Variants in GRM7 observed in about 807,000 individuals in gnomAD.
The protein encoded by GRM7 is metabotropic glutamate receptor 7.
A neutral mutation model predicts 84.5 loss-of-function variants in GRM7; 35 were observed. The ratio of observed to expected loss-of-function variants is 0.41; its 90% CI spans 0.32 to 0.55. GRM7 has a LOEUF of 0.55. Ranked by LOEUF, GRM7 falls within the 20% of genes least tolerant of loss-of-function variation. The probability of loss-of-function intolerance (pLI) is 0.19; values close to 1 mark genes in which losing one functional copy is unlikely to be tolerated. For synonymous variants in GRM7, 487 were observed against 455.1 expected (o/e 1.07, Z -0.89); for missense variants, 1,003 against 1,194.6 (o/e 0.84, Z 2.36).
intron 1 of GRM7, among the ~76,000 whole-genome samples, chr3:6,890,908 G>C (rs138342160): frequency 0.023 from 3,469 of 152,208 alleles, 62 homozygotes; most frequent in Non-Finnish European, 0.031. Context: ...TTATGAACCT[G>C]GGTGCTCCTG....
At chr3:7,736,527 T>C (rs1384899007) in intron 9 of GRM7, among the ~76,000 whole-genome samples, 1 of 152,142 alleles carries the variant, frequency 6.6e-6, no homozygotes, top group Non-Finnish European at 1.5e-5. Context: ...AAACCAGATT[T>C]CAAGTGGATA....
At chr3:7,579,615 G>C (rs530186286) in intron 8 of GRM7, among the ~76,000 whole-genome samples, 1 of 152,220 alleles carries the variant, frequency 6.6e-6, no homozygotes, top group Admixed American at 6.5e-5. Context: ...TGTAATGAGA[G>C]ATTATCTAGC....
intron 4 of GRM7, among the ~76,000 whole-genome samples, chr3:7,371,567 C>A (rs368968626): frequency 6.6e-6 from 1 of 152,044 alleles, no homozygotes; most frequent in Non-Finnish European, 1.5e-5. Flanking sequence ...GTGCTAGGGC[C>A]AATACTGAGT....
chr3:7,581,833 A>G (rs979309459), intron 8 of GRM7, among the ~76,000 whole-genome samples: 2 of 151,818 alleles, frequency 1.3e-5, no homozygotes, highest in African/African-American at 4.8e-5. Context: ...AGCACAACAT[A>G]AAGAGACAGC....
chr3:7,004,372 T>A (rs1033471510), intron 1 of GRM7, among the ~76,000 whole-genome samples: 5 of 152,162 alleles, frequency 3.3e-5, no homozygotes, highest in Non-Finnish European at 1.5e-5. Flanking sequence ...CAATCTTTTT[T>A]ATATATTATA....
At chr3:6,920,555 CAAA>C (rs35421703) in intron 1 of GRM7, among the ~76,000 whole-genome samples, 16 of 141,538 alleles carry the variant, frequency 1.1e-4, no homozygotes, top group East Asian at 2.1e-4. Context: ...GACTCCATGT[CAAA>C]AAAAAAAAAA....
chr3:7,623,826 AG>A (rs1335097035), intron 8 of GRM7, among the ~76,000 whole-genome samples: 2 of 152,198 alleles, frequency 1.3e-5, no homozygotes, highest in Non-Finnish European at 1.5e-5. Flanking sequence ...AACAGAACTG[AG>A]GGTCCTACAA....
At chr3:7,374,734 G>A (rs559865128) in intron 4 of GRM7, among the ~76,000 whole-genome samples, 3 of 148,802 alleles carry the variant, frequency 2.0e-5, no homozygotes, top group South Asian at 2.2e-4. Context: ...CAGGTGATCC[G>A]CCTGCCTCGG....
At chr3:7,329,990 A>T (rs1701138770) in intron 4 of GRM7, among the ~76,000 whole-genome samples, 1 of 152,150 alleles carries the variant, frequency 6.6e-6, no homozygotes, top group Non-Finnish European at 1.5e-5. Flanking sequence ...ACTCAATAGT[A>T]TGATTTGCTC....
intron 4 of GRM7, among the ~76,000 whole-genome samples, chr3:7,352,044 A>T (rs879286966): frequency 2.4e-5 from 3 of 123,998 alleles, no homozygotes; most frequent in African/African-American, 3.3e-5. Context: ...TCTCTCTCAC[A>T]CACACACACA....
chr3:6,948,706 C>T (rs545510450), intron 1 of GRM7, among the ~76,000 whole-genome samples: 68 of 152,256 alleles, frequency 4.5e-4, no homozygotes, highest in Middle Eastern at 6.8e-3. Context: ...CTTTGTAGGT[C>T]ACTAAGGACT....
At chr3:7,021,828 G>A (rs1316243002) in intron 1 of GRM7, among the ~76,000 whole-genome samples, 2 of 152,082 alleles carry the variant, frequency 1.3e-5, no homozygotes, top group East Asian at 3.9e-4. Flanking sequence ...CACTGCTTAG[G>A]TACTGAGCAA....
intron 1 of GRM7, among the ~76,000 whole-genome samples, chr3:7,081,233 G>C (rs577432680): frequency 6.6e-6 from 1 of 152,008 alleles, no homozygotes; most frequent in African/African-American, 2.4e-5. Flanking sequence ...TGTCAAGCAA[G>C]TCCATTTCCT....
intron 3 of GRM7, among the ~76,000 whole-genome samples, chr3:7,302,820 CTTAGG>C (rs1559219181): frequency 6.7e-6 from 1 of 150,296 alleles, no homozygotes; most frequent in African/African-American, 2.5e-5. Context: ...TTGCTCTGTA[CTTAGG>C]TTAACTCCAG....
At position 6,861,814 on chromosome 3, in the gene GRM7, G is replaced by T. The variant is rs375507054; in HGVS notation, c.426G>T (p.Pro142=). 22 of 1,614,184 alleles carry T rather than the reference G, an allele frequency of 1.4e-5. 2 individuals are homozygous for T. In the African/African-American group the frequency reaches 2.7e-4, roughly 20 times the overall value. Residue 142 remains proline, a synonymous_variant, in exon 1 of 10, where the codon CCG becomes CCT. Transcript: ENST00000357716. The surrounding 1 kb of genome is among the most constrained non-coding windows in gnomAD (Gnocchi z 6.4). ...TGCGCTGCACCAACGGCGAACCGCC[G>T]GTTTTCGTCAAGCCGGAGAAAGTAG... ...SDVRCTNGEP[P]VFVKPEKVVG...
At chr3:7,706,750 G>C (rs1701400774) in intron 9 of GRM7, among the ~76,000 whole-genome samples, 1 of 152,174 alleles carries the variant, frequency 6.6e-6, no homozygotes, top group African/African-American at 2.4e-5. Context: ...CATTATGTTT[G>C]CATGACTGAT....
chr3:7,146,718 C>A, intron 2 of GRM7, 50 bp downstream of exon 2: 1 of 1,297,882 alleles, frequency 7.7e-7, no homozygotes, highest in Non-Finnish European at 1.1e-6. Context: ...ACGTCTGTGG[C>A]TTGTAGAGTT....
At chr3:7,257,286 A>C (rs967319134) in intron 2 of GRM7, among the ~76,000 whole-genome samples, 3 of 152,238 alleles carry the variant, frequency 2.0e-5, no homozygotes, top group Non-Finnish European at 4.4e-5. Context: ...CATGTTGTCC[A>C]TTATATCCTC....
chr3:7,194,916 A>G (rs747620429), intron 2 of GRM7, among the ~76,000 whole-genome samples: 2 of 152,106 alleles, frequency 1.3e-5, no homozygotes, highest in Non-Finnish European at 2.9e-5. Flanking sequence ...ATGATAGTCT[A>G]TCTTACCTCA....
Sources: gnomAD v4.1 joint callset for allele counts (sites outside exome capture counted in the v4.1 genomes callset) on GRCh38, gnomAD v4.1.1 for gene constraint, Gnocchi (gnomAD v3.1) non-coding constraint, MANE v1.5 for transcripts, NCBI Gene and HGNC (gene_info 2026-07-23, HGNC 2026-07-21) for gene names.